The following WDFY4 variants were observed in gnomAD, a reference collection of about 807,000 sequenced individuals.
The protein encoded by WDFY4 is WD repeat- and FYVE domain-containing protein 4.
WDFY4 carries 169 observed loss-of-function variants against 351.9 expected under a neutral mutation model. The observed-to-expected ratio is 0.48, with a 90% CI of 0.42 to 0.55. The LOEUF (loss-of-function observed/expected upper bound fraction) is 0.55, where lower values mean the gene tolerates loss of function less well. Ranked by LOEUF, WDFY4 falls within the 20% of genes least tolerant of loss-of-function variation. WDFY4 has a pLI of 0.00. For synonymous variants in WDFY4, 1,622 were observed against 1,574.6 expected (o/e 1.03, Z -0.71); for missense variants, 3,803 against 3,935.6 (o/e 0.97, Z 0.90).
At chr10:48,757,970 A>G (rs1176406652) in intron 12 of WDFY4, among the ~76,000 whole-genome samples, 1 of 152,160 alleles carries the variant, frequency 6.6e-6, no homozygotes. Flanking sequence ...ACCTAAATTT[A>G]AGAACTTAAG....
At chr10:48,861,415 T>C (rs1242640235) in intron 39 of WDFY4, among the ~76,000 whole-genome samples, 1 of 152,192 alleles carries the variant, frequency 6.6e-6, no homozygotes. Flanking sequence ...TTACTTTATC[T>C]TAGAATGTGT....
At position 48,897,538 on chromosome 10, in the gene WDFY4, C is replaced by T; in HGVS notation, c.7401C>T (p.Asp2467=). The T allele has an allele frequency of 6.4e-7, 1 of 1,550,602 alleles. No homozygotes were observed. The change falls in exon 45 of 62, where the codon GAC becomes GAT. Residue 2467 remains aspartate (D), a synonymous_variant. Transcript: ENST00000325239. The part of the protein sequence containing the change: ...HYSCQCHSYA[D]MRELRQARFL... ...CGTGCCAGTGCCACAGCTACGCTGA[C>T]ATGCGGGAGCTACGGCAGGCTCGCT...
At chr10:48,800,765 C>T (rs1378185654) in intron 24 of WDFY4, among the ~76,000 whole-genome samples, 1 of 133,310 alleles carries the variant, frequency 7.5e-6, no homozygotes, top group East Asian at 2.5e-4. Context: ...TGAGGTCTCA[C>T]TCTGTTGCCC....
intron 11 of WDFY4, 93 bp downstream of exon 11, chr10:48,736,163 T>G: frequency 2.1e-6 from 3 of 1,439,784 alleles, no homozygotes; most frequent in African/African-American, 1.4e-5. Flanking sequence ...TGTAATTCAG[T>G]TAGCCACTGT....
chr10:48,776,814 C>A lies in WDFY4; in HGVS notation c.2928C>A (p.His976Gln), dbSNP rs1407392357. The A allele has an allele frequency of 1.3e-6, 2 of 1,551,456 alleles. No individual in the cohort carries two copies. The highest frequency in any genetic ancestry group is 2.4e-5 in the East Asian group (1 of 40,930). ...PWPAAPDAGL[H>Q]PGVTQAPQPL... ...CAGCTGCCCCAGATGCTGGGCTGCA[C>A]CCTGGAGTCACACAGGCCCCGCAGC... Residue 976 changes from histidine (H) to glutamine (Q), a missense_variant, in exon 16 of 62, where the codon CAC becomes CAA. His to Gln is a conservative substitution (Grantham distance 24). Transcript: ENST00000325239.
At chr10:48,900,820 T>A (rs1261560935) in intron 46 of WDFY4, among the ~76,000 whole-genome samples, 1 of 152,224 alleles carries the variant, frequency 6.6e-6, no homozygotes, top group Non-Finnish European at 1.5e-5. Context: ...TAAGCCAGTG[T>A]GTAAGTTCTT....
In WDFY4 at chr10:48,910,897, C is replaced by T. The variant is rs535831964; in HGVS notation, c.7586+9034C>T. The T allele has an allele frequency of 5.7e-5, 56 of 985,144 alleles. No homozygotes were observed. In the South Asian group the frequency reaches 2.3e-3, roughly 40 times the overall value. 61.0% of individuals were successfully genotyped at this position (985,144 alleles called of 1,614,324 possible). ...CTGGGCACCAGGTGGGCTCTGTAAC[C>T]TCGATGTTTCTCTTAACTTCTCTCC... is the stretch of plus-strand genomic sequence containing the variant. On this transcript the variant is annotated intron_variant, in intron 47 of 61. Coordinates refer to ENST00000325239, the MANE Select transcript of WDFY4 (RefSeq NM_001394531.1).
intron 1 of WDFY4, among the ~76,000 whole-genome samples, chr10:48,690,471 G>A (rs2063163864): frequency 6.6e-6 from 1 of 152,186 alleles, no homozygotes; most frequent in Admixed American, 6.5e-5. Flanking sequence ...GTAAGAATGA[G>A]GGATGCAGTC....
chr10:48,727,527 C>T lies in WDFY4; in HGVS notation c.839C>T (p.Pro280Leu). 4 of 1,551,834 alleles carry T rather than the reference C, an allele frequency of 2.6e-6. No homozygotes were observed. Among genetic ancestry groups the T allele is most frequent in the Non-Finnish European group, 2.6e-6 (3 of 1,147,022 alleles). Residue 280 changes from proline (P) to leucine (L), a missense_variant, in exon 7 of 62, where the codon CCT becomes CTT. This residue lies in a region of WDFY4 where 488 missense variants were observed against 456.8 expected (regional missense o/e 1.07). Transcript: ENST00000325239. Reference sequence around the variant, plus strand: ...CTCTCCAGGCTCACGGACACTCTCCCTGCCCCTGAAGTGAGCGAGGCTGTA... The same window carrying T: ...CTCTCCAGGCTCACGGACACTCTCCTTGCCCCTGAAGTGAGCGAGGCTGTA... ...QNLSRLTDTL[P>L]APEVSEAVSL...
rs775368679 is a variant in WDFY4, at chr10:48,890,563, C to T, written c.7168-16C>T. Reference sequence around the variant, plus strand: ...CTTCCTGTGCACCACCTGACTCTGCCACTCTCTCCTTCCAGGTGACGCAGA... The same window carrying T: ...CTTCCTGTGCACCACCTGACTCTGCTACTCTCTCCTTCCAGGTGACGCAGA... On this transcript the variant is annotated splice_polypyrimidine_tract_variant and intron_variant, in intron 43 of 61. Coordinates refer to ENST00000325239, the MANE Select transcript of WDFY4 (RefSeq NM_001394531.1). 1 of 1,551,532 alleles carries T rather than the reference C, an allele frequency of 6.4e-7. No homozygotes were observed. The highest frequency in any genetic ancestry group is 1.2e-5 in the South Asian group (1 of 84,036).
chr10:48,873,433 A>C (rs1211955873), intron 40 of WDFY4, 58 bp from the exon 41 acceptor site: 1 of 1,470,934 alleles, frequency 6.8e-7, no homozygotes, highest in Non-Finnish European at 9.0e-7. Flanking sequence ...GTTTGGGGCC[A>C]GGCCCATAAG....
At chr10:48,734,458 T>A (rs1020570061) in intron 10 of WDFY4, among the ~76,000 whole-genome samples, 1 of 151,834 alleles carries the variant, frequency 6.6e-6, no homozygotes, top group Non-Finnish European at 1.5e-5. Flanking sequence ...AGCAATGTAA[T>A]CCATTCAAAT....
At chr10:48,731,634 G>T in intron 9 of WDFY4, 72 bp downstream of exon 9, 1 of 1,459,340 alleles carries the variant, frequency 6.9e-7, no homozygotes, top group East Asian at 2.5e-5. Context: ...GGCCAATCTG[G>T]CTGCCCATCA....
intron 23 of WDFY4, among the ~76,000 whole-genome samples, chr10:48,793,607 G>A (rs370788410): frequency 9.2e-5 from 14 of 152,036 alleles, no homozygotes; most frequent in East Asian, 1.9e-4. Flanking sequence ...GTGCATTTGC[G>A]TGATGTCTGC....
intron 39 of WDFY4, among the ~76,000 whole-genome samples, chr10:48,859,976 T>C (rs1426652723): frequency 6.6e-6 from 1 of 152,210 alleles, no homozygotes; most frequent in Non-Finnish European, 1.5e-5. Context: ...ATTGTCACAT[T>C]GATGTGTGTA....
intron 59 of WDFY4, 84 bp downstream of exon 59, chr10:48,977,063 C>A (rs932070204): frequency 7.7e-7 from 1 of 1,291,642 alleles, no homozygotes; most frequent in Admixed American, 3.9e-5. Flanking sequence ...GGGGGCCAAA[C>A]CTGCAGGTTG....
At chr10:48,846,465 C>A (rs148378305) in intron 39 of WDFY4, among the ~76,000 whole-genome samples, 5 of 152,210 alleles carry the variant, frequency 3.3e-5, no homozygotes, top group Non-Finnish European at 7.3e-5. Context: ...AGCCTTGTTC[C>A]GTGCCCATCT....
At chr10:48,696,409 A>T (rs2063331588) in intron 1 of WDFY4, among the ~76,000 whole-genome samples, 1 of 152,122 alleles carries the variant, frequency 6.6e-6, no homozygotes, top group Admixed American at 6.5e-5. Context: ...CATTCCCCCA[A>T]CACAGGCTTG....
rs189706698 is a variant in WDFY4 at position 48,870,250 on chromosome 10, T to C, written c.6741+2908T>C. On this transcript the variant is annotated intron_variant, in intron 40 of 61. Transcript: ENST00000325239. ...AAGGGTTGCTGTGATTCGAAAATCA[T>C]AACTGGTCAAGTGTGGTGGCTCATG... 6.5e-4 allele frequency among the ~76,000 whole-genome samples: 99 copies of C among 152,324 alleles called. 1 individual carries two copies. The highest frequency in any genetic ancestry group is 1.9e-3 in the African/African-American group (80 of 41,574).
Sources: gnomAD v4.1 joint callset for allele counts (sites outside exome capture counted in the v4.1 genomes callset) on GRCh38, gnomAD v4.1.1 for gene constraint, gnomAD v4.1.1 regional missense constraint, MANE v1.5 for transcripts, NCBI Gene and HGNC (gene_info 2026-07-23, HGNC 2026-07-21) for gene names.